The following EDIL3 variants were observed in gnomAD, a reference collection of about 807,000 sequenced individuals.
EDIL3 encodes the protein EGF-like repeat and discoidin I-like domain-containing protein 3.
In EDIL3, 37 loss-of-function variants were observed where a neutral mutation model predicts 67.4. That is an observed-to-expected ratio of 0.55 (90% confidence interval 0.42 to 0.72). The LOEUF is 0.72. Ranked by LOEUF, EDIL3 falls within the 30% of genes least tolerant of loss-of-function variation. EDIL3 has a pLI of 0.00. For missense variants in EDIL3, 527 were observed against 586.3 expected (o/e 0.90, Z 1.04); for synonymous variants, 195 against 196.3 (o/e 0.99, Z 0.05).
intron 1 of EDIL3, among the ~76,000 whole-genome samples, chr5:84,331,519 T>C (rs1746871352): frequency 6.6e-6 from 1 of 152,174 alleles, no homozygotes; most frequent in African/African-American, 2.4e-5. Flanking sequence ...TCTGCACTTC[T>C]CATTCCTGCT....
At chr5:84,139,361 G>T (rs935659954) in intron 4 of EDIL3, among the ~76,000 whole-genome samples, 1 of 151,876 alleles carries the variant, frequency 6.6e-6, no homozygotes, top group African/African-American at 2.4e-5. Flanking sequence ...GGAAAGAAAA[G>T]GTGAGTATAA....
intron 9 of EDIL3, among the ~76,000 whole-genome samples, chr5:84,057,793 T>G (rs1335963541): frequency 4.6e-5 from 7 of 152,152 alleles, no homozygotes; most frequent in Non-Finnish European, 1.0e-4. Flanking sequence ...ATCATTCATT[T>G]ATTCATTCAA....
intron 1 of EDIL3, among the ~76,000 whole-genome samples, chr5:84,273,935 G>A (rs1745523755): frequency 6.6e-6 from 1 of 152,022 alleles, no homozygotes; most frequent in African/African-American, 2.4e-5. Context: ...ATTCTTCCCA[G>A]TGTGTACATC....
At chr5:84,155,920 A>T (rs1012407902) in intron 4 of EDIL3, among the ~76,000 whole-genome samples, 1 of 152,156 alleles carries the variant, frequency 6.6e-6, no homozygotes, top group African/African-American at 2.4e-5. Flanking sequence ...GCCTACTTAC[A>T]CGAATGAAAG....
chr5:84,115,249 A>G (rs931137762), intron 5 of EDIL3, among the ~76,000 whole-genome samples: 1 of 152,188 alleles, frequency 6.6e-6, no homozygotes, highest in Non-Finnish European at 1.5e-5. Flanking sequence ...AATGAAAACC[A>G]CATTTATAAA....
intron 9 of EDIL3, among the ~76,000 whole-genome samples, chr5:83,981,399 A>G (rs769281028): frequency 2.6e-5 from 4 of 152,120 alleles, no homozygotes; most frequent in Non-Finnish European, 1.5e-5. Context: ...TTTGAGTATT[A>G]TATCATTCTC....
Position 83,942,232 on chromosome 5 carries a change from A to G in EDIL3, c.*1187T>C, listed in dbSNP as rs550686531. ...ATTTTTTCAGGACCTTTGAAGCAAA[A>G]TAAATAGAAATCAGTTTTCATCTTG... On this transcript the variant is annotated 3_prime_UTR_variant, in exon 11 of 11. Coordinates refer to ENST00000296591, the MANE Select transcript of EDIL3 (RefSeq NM_005711.5). The G allele has an allele frequency of 1.3e-5, 2 of 152,040 alleles. No homozygotes were observed. The highest frequency in any genetic ancestry group is 2.1e-4 in the South Asian group (1 of 4,830). The allele number at this position is 152,040 out of a possible 1,614,324, so 9.4% of individuals were successfully genotyped here.
intron 7 of EDIL3, among the ~76,000 whole-genome samples, chr5:84,065,887 C>T (rs1039274805): frequency 2.6e-5 from 4 of 151,664 alleles, no homozygotes; most frequent in East Asian, 1.9e-4. Flanking sequence ...AGGCTGAGAC[C>T]GGTGGATAAG....
intron 2 of EDIL3, among the ~76,000 whole-genome samples, chr5:84,243,332 T>A (rs1744835715): frequency 6.6e-6 from 1 of 152,188 alleles, no homozygotes; most frequent in Admixed American, 6.5e-5. Context: ...ACCTCCATAT[T>A]TAAGAAGTAA....
chr5:83,964,614 C>T (rs1259052305), intron 9 of EDIL3, among the ~76,000 whole-genome samples: 1 of 151,926 alleles, frequency 6.6e-6, no homozygotes, highest in African/African-American at 2.4e-5. Context: ...GACACAGATG[C>T]CCATCAGCAA....
At chr5:84,319,896 C>G (rs1746598907) in intron 1 of EDIL3, among the ~76,000 whole-genome samples, 1 of 151,826 alleles carries the variant, frequency 6.6e-6, no homozygotes, top group South Asian at 2.1e-4. Context: ...CAAAGTAACA[C>G]AAGAAGAGAA....
intron 6 of EDIL3, among the ~76,000 whole-genome samples, chr5:84,083,977 GGAA>G (rs1477293184): frequency 2.6e-5 from 4 of 152,044 alleles, no homozygotes; most frequent in African/African-American, 9.7e-5. Context: ...TACAAGTAGG[GGAA>G]GAAGATGTGG....
At chr5:84,182,270 T>TACACACACACACAC (rs71607704) in intron 3 of EDIL3, among the ~76,000 whole-genome samples, 16 of 141,936 alleles carry the variant, frequency 1.1e-4, no homozygotes, top group African/African-American at 3.7e-4. Flanking sequence ...CTACAAAAAA[T>TACACACACACACAC]ACACACACAC....
At chr5:83,962,814 T>C (rs1159023082) in intron 10 of EDIL3, among the ~76,000 whole-genome samples, 1 of 151,592 alleles carries the variant, frequency 6.6e-6, no homozygotes, top group Admixed American at 6.6e-5. Flanking sequence ...CCAAAGAACA[T>C]TTTATCTAAC....
intron 1 of EDIL3, among the ~76,000 whole-genome samples, chr5:84,265,833 T>C (rs2112090099): frequency 6.6e-6 from 1 of 152,336 alleles, no homozygotes; most frequent in East Asian, 1.9e-4. Flanking sequence ...ATGGGAGTTC[T>C]TGACAAGGAA....
At chr5:84,259,344 G>T (rs1219973715) in intron 1 of EDIL3, among the ~76,000 whole-genome samples, 1 of 152,148 alleles carries the variant, frequency 6.6e-6, no homozygotes, top group Non-Finnish European at 1.5e-5. Flanking sequence ...AGATTTCATG[G>T]TTATTTATCC....
At chr5:84,382,540 T>A (rs2112227314) in intron 1 of EDIL3, among the ~76,000 whole-genome samples, 1 of 152,006 alleles carries the variant, frequency 6.6e-6, no homozygotes, top group Middle Eastern at 3.4e-3. Context: ...AGTGAGTGGG[T>A]GAGTGTGTTT....
At chr5:84,088,670 T>C (rs575756258) in intron 6 of EDIL3, among the ~76,000 whole-genome samples, 3 of 152,104 alleles carry the variant, frequency 2.0e-5, no homozygotes, top group African/African-American at 7.2e-5. Flanking sequence ...TCAAAGTGAT[T>C]GAAGCATTAA....
chr5:84,062,070 G>C (rs1746555646), intron 8 of EDIL3, among the ~76,000 whole-genome samples: 2 of 151,980 alleles, frequency 1.3e-5, no homozygotes. Context: ...ACATGACATG[G>C]AGGGCTGTGT....
Sources: gnomAD v4.1 joint callset for allele counts (sites outside exome capture counted in the v4.1 genomes callset) on GRCh38, gnomAD v4.1.1 for gene constraint, MANE v1.5 for transcripts, NCBI Gene and HGNC (gene_info 2026-07-23, HGNC 2026-07-21) for gene names.